AK8: variants seen among roughly 807,000 people sequenced by gnomAD.
AK8 encodes the protein adenylate kinase 8, also known as ATP-AMP transphosphorylase 8.
Under a neutral mutation model 54.6 loss-of-function variants are expected in AK8, and 44 were observed. That is an observed-to-expected ratio of 0.81 (90% CI 0.63 to 1.04). The LOEUF is 1.04. Among genes scored for constraint, AK8 ranks in the 50% least tolerant of loss-of-function variants. The pLI is 0.00. For missense variants in AK8, 555 were observed against 613.6 expected (o/e 0.90, Z 1.01); for synonymous variants, 239 against 245.6 (o/e 0.97, Z 0.25).
chr9:132,756,539 G>T (rs1338492408), intron 11 of AK8, among the ~76,000 whole-genome samples: 1 of 152,202 alleles, frequency 6.6e-6, no homozygotes, highest in African/African-American at 2.4e-5. Context: ...ACAAATCTAT[G>T]TTTTGCCAAG....
intron 11 of AK8, among the ~76,000 whole-genome samples, chr9:132,755,766 A>G (rs890160750): frequency 2.5e-5 from 3 of 119,944 alleles, no homozygotes; most frequent in Non-Finnish European, 3.7e-5. Flanking sequence ...TCCAACTCTC[A>G]GATTTTTTTT....
intron 5 of AK8, among the ~76,000 whole-genome samples, chr9:132,845,294 GTAA>G (rs1842704637): frequency 6.6e-6 from 1 of 152,296 alleles, no homozygotes; most frequent in South Asian, 2.1e-4. Context: ...CACATATAGT[GTAA>G]TGTAACTAAT....
chr9:132,861,819 C>A (rs1843400745), intron 4 of AK8, among the ~76,000 whole-genome samples: 1 of 152,230 alleles, frequency 6.6e-6, no homozygotes, highest in Admixed American at 6.5e-5. Context: ...CATGGCCGAG[C>A]CTGCCATGTG....
At chr9:132,795,285 A>T (rs1840110241) in intron 10 of AK8, among the ~76,000 whole-genome samples, 1 of 152,004 alleles carries the variant, frequency 6.6e-6, no homozygotes, top group East Asian at 1.9e-4. Context: ...GTTGTCTTGC[A>T]TAAGCTCCAA....
chr9:132,778,488 A>G (rs1485239596), intron 11 of AK8, among the ~76,000 whole-genome samples: 1 of 152,146 alleles, frequency 6.6e-6, no homozygotes, highest in African/African-American at 2.4e-5. Context: ...AATGAAAGAG[A>G]GAGAGAGTGG....
At chr9:132,842,469 G>A (rs1842583740) in intron 5 of AK8, among the ~76,000 whole-genome samples, 2 of 150,876 alleles carry the variant, frequency 1.3e-5, no homozygotes, top group Non-Finnish European at 2.9e-5. Flanking sequence ...GTGAGCATGT[G>A]TAACAGGCAG....
chr9:132,825,184 T>A, intron 8 of AK8, among the ~76,000 whole-genome samples: 1 of 152,200 alleles, frequency 6.6e-6, no homozygotes, highest in East Asian at 1.9e-4. Context: ...GAAGTAATGA[T>A]CCCCCAGACA....
In AK8 at chr9:132,828,649, G is replaced by A. The variant is rs772215436; in HGVS notation, c.480C>T (p.His160=). ...GGACCCTTGGGAGCTACTCACTGACGTGTCTGGGTGTGATCCCCAGGGTCT... is the reference window on the plus strand; with the variant it reads ...GGACCCTTGGGAGCTACTCACTGACATGTCTGGGTGTGATCCCCAGGGTCT... ...RIQTLGITPR[H]VIVLSAPDTV... Residue 160 remains histidine (H), a synonymous_variant, in exon 6 of 13, where the codon CAC becomes CAT. Transcript: ENST00000298545. 1.7e-5 allele frequency: 27 copies of A among 1,611,136 alleles called. No individual in the cohort carries two copies. Among genetic ancestry groups the A allele is most frequent in the South Asian group, 5.5e-5 (5 of 90,178 alleles).
intron 1 of AK8, among the ~76,000 whole-genome samples, chr9:132,876,585 C>T (rs996073138): frequency 1.3e-5 from 2 of 152,154 alleles, no homozygotes; most frequent in East Asian, 3.8e-4. Context: ...TTCAGGTAAT[C>T]CTATTGTACC....
intron 9 of AK8, among the ~76,000 whole-genome samples, chr9:132,815,844 C>T (rs933206428): frequency 6.6e-6 from 1 of 152,312 alleles, no homozygotes; most frequent in South Asian, 2.1e-4. Flanking sequence ...GCTTTCTTAC[C>T]TTTAGGGCTA....
chr9:132,851,456 G>C (rs532234724), intron 5 of AK8, among the ~76,000 whole-genome samples: 1 of 152,218 alleles, frequency 6.6e-6, no homozygotes, highest in Admixed American at 6.5e-5. Flanking sequence ...CCAAAAAGAG[G>C]AGCACCAGGG....
At chr9:132,878,524 C>T, upstream of AK8, 2 of 1,187,366 alleles carry the variant, frequency 1.7e-6, no homozygotes, top group East Asian at 3.6e-5. The surrounding 1 kb of genome is among the most constrained non-coding windows in gnomAD (Gnocchi z 4.7). Flanking sequence ...GCTGGGCCTC[C>T]TCGTATCTGA....
intron 11 of AK8, among the ~76,000 whole-genome samples, chr9:132,777,187 A>T (rs1186812770): frequency 1.3e-5 from 2 of 152,146 alleles, no homozygotes; most frequent in Non-Finnish European, 2.9e-5. Context: ...AATTGGGTTG[A>T]ACGTACTTCT....
chr9:132,823,662 G>A (rs1222972048), intron 8 of AK8, among the ~76,000 whole-genome samples: 1 of 152,222 alleles, frequency 6.6e-6, no homozygotes, highest in Non-Finnish European at 1.5e-5. Flanking sequence ...GCAGTTGGGA[G>A]ACTGGTCCCA....
intron 10 of AK8, among the ~76,000 whole-genome samples, chr9:132,794,444 ACT>A (rs1356658528): frequency 4.6e-5 from 7 of 151,948 alleles, no homozygotes; most frequent in Non-Finnish European, 1.0e-4. Flanking sequence ...CAGCCTTCAA[ACT>A]CAGCCTCAGG....
chr9:132,760,832 A>G (rs1838424302), intron 11 of AK8, among the ~76,000 whole-genome samples: 1 of 150,104 alleles, frequency 6.7e-6, no homozygotes, highest in East Asian at 1.9e-4. Flanking sequence ...TGAAATAGCT[A>G]TATCTCTTTT....
chr9:132,768,234 T>C (rs1046749629), intron 11 of AK8, among the ~76,000 whole-genome samples: 1 of 151,802 alleles, frequency 6.6e-6, no homozygotes, highest in Non-Finnish European at 1.5e-5. Flanking sequence ...ACCATTATTA[T>C]CTACCAATAA....
chr9:132,806,529 A>G (rs1840734065), intron 10 of AK8, among the ~76,000 whole-genome samples: 1 of 152,370 alleles, frequency 6.6e-6, no homozygotes, highest in Middle Eastern at 3.4e-3. Context: ...ACGGGAAGAC[A>G]GCTTGCAGCT....
At chr9:132,813,816 C>G (rs974759114) in intron 10 of AK8, among the ~76,000 whole-genome samples, 2 of 152,180 alleles carry the variant, frequency 1.3e-5, no homozygotes, top group African/African-American at 4.8e-5. Context: ...CAGAGGGCAC[C>G]TGGGAAGAGG....
Sources: gnomAD v4.1 joint callset for allele counts (sites outside exome capture counted in the v4.1 genomes callset) on GRCh38, gnomAD v4.1.1 for gene constraint, Gnocchi (gnomAD v3.1) non-coding constraint, MANE v1.5 for transcripts, NCBI Gene and HGNC (gene_info 2026-07-23, HGNC 2026-07-21) for gene names.